Variants in SV2B observed in about 807,000 individuals in gnomAD.
SV2B encodes the protein synaptic vesicle glycoprotein 2B, also known as solute carrier family 22 member B2.
A neutral mutation model predicts 73.9 loss-of-function variants in SV2B; 41 were observed. The ratio of observed to expected loss-of-function variants is 0.56; its 90% CI spans 0.43 to 0.72. The LOEUF is 0.72. Ranked by LOEUF, SV2B falls within the 30% of genes least tolerant of loss-of-function variation. The pLI, the probability that SV2B is intolerant of heterozygous loss-of-function variation, is 0.00. For synonymous variants in SV2B, 314 were observed against 314.2 expected, an observed-to-expected ratio of 1.00 and a Z score of 0.01; for missense variants, 764 against 857.8, an observed-to-expected ratio of 0.89 and a Z score of 1.37.
chr15:91,164,098 G>T (rs1337713326), intron 1 of SV2B, among the ~76,000 whole-genome samples: 1 of 151,992 alleles, frequency 6.6e-6, no homozygotes, highest in Non-Finnish European at 1.5e-5. Context: ...ATTTCTGAGG[G>T]CTCTGTTCTG....
chr15:91,107,195 G>A (rs192048891), intron 1 of SV2B, among the ~76,000 whole-genome samples: 4 of 152,266 alleles, frequency 2.6e-5, no homozygotes, highest in East Asian at 1.9e-4. Flanking sequence ...TCATTTTTAC[G>A]TGTGGTTACT....
intron 9 of SV2B, among the ~76,000 whole-genome samples, chr15:91,271,320 T>C (rs575136497): frequency 5.5e-4 from 83 of 152,172 alleles, no homozygotes; most frequent in Non-Finnish European, 1.0e-3. Context: ...AGATATATCA[T>C]TGTGATATGA....
At position 91,129,997 on chromosome 15, in the gene SV2B, G is replaced by T. The variant is rs913046326; in HGVS notation, c.-392+29634G>T. Among the ~76,000 whole-genome samples the T allele has an allele frequency of 6.6e-6, 1 of 152,190 alleles. No homozygotes were observed. Among genetic ancestry groups the T allele is most frequent in the African/African-American group, 2.4e-5 (1 of 41,458 alleles). On this transcript the variant is annotated intron_variant, in intron 1 of 12. Transcript: ENST00000394232. The surrounding 1 kb of genome is among the most constrained non-coding windows in gnomAD (Gnocchi z 5.1). Reference sequence around the variant, plus strand: ...TAACAACCATTCCAAGGAGATGGCCGTCAACGCTAGGGGTGGATAAATTGG... The same window carrying T: ...TAACAACCATTCCAAGGAGATGGCCTTCAACGCTAGGGGTGGATAAATTGG...
intron 1 of SV2B, among the ~76,000 whole-genome samples, chr15:91,117,778 A>C (rs2042222598): frequency 6.6e-6 from 1 of 152,224 alleles, no homozygotes; most frequent in Admixed American, 6.5e-5. Flanking sequence ...AAGACATGGC[A>C]AAGTGACATG....
In SV2B at chr15:91,134,763, T is replaced by C. The variant is rs11633643; in HGVS notation, c.-392+34400T>C. Among the ~76,000 whole-genome samples, 1,506 of 152,336 alleles carry C rather than the reference T, an allele frequency of 9.9e-3. 16 individuals are homozygous for C. The highest frequency in any genetic ancestry group is 0.034 in the Middle Eastern group (10 of 294). The stretch of plus-strand genomic sequence containing the variant: ...GTGTTCAATATTTATTAGCTCCTTT[T>C]CTTTAAAAAGCAAACAACCCCAATA... On this transcript the variant is annotated intron_variant, in intron 1 of 12. Transcript: ENST00000394232.
chr15:91,110,565 C>T lies in SV2B; in HGVS notation c.-392+10202C>T, dbSNP rs2042007987. Among the ~76,000 whole-genome samples the T allele has an allele frequency of 6.6e-6, 1 of 152,214 alleles. No individual in the cohort carries two copies. Among genetic ancestry groups the T allele is most frequent in the Non-Finnish European group, 1.5e-5 (1 of 68,038 alleles). Reference sequence around the variant, plus strand: ...GCAGAATCTGACCGTGGCCTCTCGCCTGATCTGGGGTGCAGCAGATGGCGC... The same window carrying T: ...GCAGAATCTGACCGTGGCCTCTCGCTTGATCTGGGGTGCAGCAGATGGCGC... On this transcript the variant is annotated intron_variant, in intron 1 of 12. Transcript: ENST00000394232. This position sits in a 1 kb window ranked among gnomAD's most constrained non-coding sequence, Gnocchi z 5.4.
In SV2B at chr15:91,124,985, G is replaced by C. The variant is rs1260635664; in HGVS notation, c.-392+24622G>C. Among the ~76,000 whole-genome samples, 1 of 152,158 alleles carries C rather than the reference G, an allele frequency of 6.6e-6. No individual in the cohort carries two copies. The highest frequency in any genetic ancestry group is 1.5e-5 in the Non-Finnish European group (1 of 68,018). On this transcript the variant is annotated intron_variant, in intron 1 of 12. Coordinates refer to ENST00000394232, the MANE Select transcript of SV2B (RefSeq NM_001323032.3). This position sits in a 1 kb window ranked among gnomAD's most constrained non-coding sequence, Gnocchi z 4.6. The stretch of plus-strand genomic sequence containing the variant: ...TTTATTTCTGGTGGTTTTGAAGGCT[G>C]GAAGTCCAAGGTCAGGGTGTGGTCA...
intron 1 of SV2B, among the ~76,000 whole-genome samples, chr15:91,134,243 C>T (rs2042748170): frequency 6.6e-6 from 1 of 152,074 alleles, no homozygotes; most frequent in Admixed American, 6.6e-5. Flanking sequence ...GGTGATTCAC[C>T]CACCTCCGCC....
At position 91,229,126 on chromosome 15, in the gene SV2B, C is replaced by T. The variant is rs1158200865; in HGVS notation, c.451+2412C>T. Among the ~76,000 whole-genome samples, 3 of 152,238 alleles carry T rather than the reference C, an allele frequency of 2.0e-5. No homozygotes were observed. In the East Asian group the frequency reaches 5.8e-4, roughly 29 times the overall value. ...GGTCATGCCGTGCACAGGCTGCTCTCTGTGTCATCAAGCACCTCATAGATT... is the reference window on the plus strand; with the variant it reads ...GGTCATGCCGTGCACAGGCTGCTCTTTGTGTCATCAAGCACCTCATAGATT... On this transcript the variant is annotated intron_variant, in intron 2 of 12. Coordinates refer to ENST00000394232, the MANE Select transcript of SV2B (RefSeq NM_001323032.3). This position sits in a 1 kb window ranked among gnomAD's most constrained non-coding sequence, Gnocchi z 4.3.
At chr15:91,275,954 A>G (rs952305711) in intron 9 of SV2B, among the ~76,000 whole-genome samples, 1 of 152,168 alleles carries the variant, frequency 6.6e-6, no homozygotes, top group African/African-American at 2.4e-5. Context: ...TATTTCTTGT[A>G]GTGAAATTAT....
rs756304643 is a variant in SV2B at position 91,252,377 on chromosome 15, G to A, written c.641G>A (p.Gly214Asp). 9.9e-6 allele frequency: 16 copies of A among 1,611,038 alleles called. No homozygotes were observed. The Admixed American group carries it at 2.7e-4, about 27-fold the overall frequency. Residue 214 changes from glycine (G) to aspartate (D), a missense_variant, in exon 4 of 13, where the codon GGT becomes GAT. Physicochemically the swap from Gly to Asp is moderately conservative, Grantham distance 94. Transcript: ENST00000394232. This position sits in a 1 kb window ranked among gnomAD's most constrained non-coding sequence, Gnocchi z 4.6. ...CRLISGIGIG[G>D]ALPIVFAYFS... is the part of the protein sequence containing the mutation. ...GCATTTTTCCTTTGCAGTATTGGGG[G>A]TGCTCTACCGATTGTTTTTGCCTAT...
chr15:91,118,578 G>A lies in SV2B; in HGVS notation c.-392+18215G>A, dbSNP rs2042241094. 6.6e-6 allele frequency among the ~76,000 whole-genome samples: 1 copy of A among 152,246 alleles called. No homozygotes were observed. The highest frequency in any genetic ancestry group is 2.4e-5 in the African/African-American group (1 of 41,468). ...AAGGAGGAAATCTGCCTGGAGAAGAGGCTGGGTGTGTGGACAGCTGGAGGG... is the reference window on the plus strand; with the variant it reads ...AAGGAGGAAATCTGCCTGGAGAAGAAGCTGGGTGTGTGGACAGCTGGAGGG... On this transcript the variant is annotated intron_variant, in intron 1 of 12. Coordinates refer to ENST00000394232, the MANE Select transcript of SV2B (RefSeq NM_001323032.3). The surrounding 1 kb of genome is among the most constrained non-coding windows in gnomAD (Gnocchi z 4.7).
rs1464105791 is a variant in SV2B, at chr15:91,234,576, A to G, written c.451+7862A>G. Among the ~76,000 whole-genome samples the G allele has an allele frequency of 6.6e-6, 1 of 152,186 alleles. No individual in the cohort carries two copies. The highest frequency in any genetic ancestry group is 1.5e-5 in the Non-Finnish European group (1 of 68,014). On this transcript the variant is annotated intron_variant, in intron 2 of 12. Transcript: ENST00000394232. This position sits in a 1 kb window ranked among gnomAD's most constrained non-coding sequence, Gnocchi z 5.6. ...TAGAAATGAAATAAATAGGAGGTCTACTAAACTCTTACTTGATCTGTATAA... is the reference window on the plus strand; with the variant it reads ...TAGAAATGAAATAAATAGGAGGTCTGCTAAACTCTTACTTGATCTGTATAA...
chr15:91,242,883 T>C lies in SV2B; in HGVS notation c.452-8936T>C, dbSNP rs549048096. Among the ~76,000 whole-genome samples, 94 of 152,364 alleles carry C rather than the reference T, an allele frequency of 6.2e-4. No individual in the cohort carries two copies. Among genetic ancestry groups the C allele is most frequent in the African/African-American group, 2.1e-3 (89 of 41,592 alleles). On this transcript the variant is annotated intron_variant, in intron 2 of 12. Transcript: ENST00000394232. This position sits in a 1 kb window ranked among gnomAD's most constrained non-coding sequence, Gnocchi z 4.9. ...TGTTTTAAAACTCAGAGATTTTATTTAGCAATCTAGATTTCTGGTTCTTTT... is the reference window on the plus strand; with the variant it reads ...TGTTTTAAAACTCAGAGATTTTATTCAGCAATCTAGATTTCTGGTTCTTTT...
intron 9 of SV2B, among the ~76,000 whole-genome samples, chr15:91,278,211 T>C (rs2048556392): frequency 6.6e-6 from 1 of 152,222 alleles, no homozygotes; most frequent in Admixed American, 6.5e-5. Flanking sequence ...GGAACCATGC[T>C]AGAGCTGCAA....
chr15:91,237,255 A>C (rs910616383), intron 2 of SV2B, among the ~76,000 whole-genome samples: 1 of 152,132 alleles, frequency 6.6e-6, no homozygotes, highest in Non-Finnish European at 1.5e-5. Flanking sequence ...CACTATTGAC[A>C]TGTTGGGCTG....
At chr15:91,152,836 G>A (rs76195355) in intron 1 of SV2B, among the ~76,000 whole-genome samples, 4,379 of 152,268 alleles carry the variant, frequency 0.029, 230 homozygotes, top group African/African-American at 0.097. Context: ...AGTTAAAAGA[G>A]GAGACTCATA....
In SV2B at chr15:91,258,289, G is replaced by A; in HGVS notation, c.785-132G>A. The A allele has an allele frequency of 7.9e-7, 1 of 1,271,634 alleles. No homozygotes were observed. Among genetic ancestry groups the A allele is most frequent in the Non-Finnish European group, 1.1e-6 (1 of 935,456 alleles). 78.8% of individuals were successfully genotyped at this position (1,271,634 alleles called of 1,614,324 possible). On this transcript the variant is annotated intron_variant, in intron 4 of 12. Coordinates refer to ENST00000394232, the MANE Select transcript of SV2B (RefSeq NM_001323032.3). This position sits in a 1 kb window ranked among gnomAD's most constrained non-coding sequence, Gnocchi z 4.7. ...GAAGCTTCGGAGGCACAGCTGAGGAGTCTGCATTTTAACCACCTCCCCGGG... is the reference window on the plus strand; with the variant it reads ...GAAGCTTCGGAGGCACAGCTGAGGAATCTGCATTTTAACCACCTCCCCGGG...
Position 91,278,658 on chromosome 15 carries a change from G to A in SV2B, c.1374-3070G>A, listed in dbSNP as rs1233820344. 1.1e-4 allele frequency among the ~76,000 whole-genome samples: 9 copies of A among 78,768 alleles called. 1 individual carries two copies. Among genetic ancestry groups the A allele is most frequent in the African/African-American group, 2.4e-4 (3 of 12,524 alleles). 51.7% of individuals were successfully genotyped at this position (78,768 alleles called of 152,430 possible). A position where few individuals can be genotyped will look rare whatever the true frequency, so the allele number is the denominator to read the frequency against. Reference sequence around the variant, plus strand: ...TGCGCCACTGCAGTCCGGCCTGGGCGACAGAGCGAGACTCCGTCTCAAAAA... The same window carrying A: ...TGCGCCACTGCAGTCCGGCCTGGGCAACAGAGCGAGACTCCGTCTCAAAAA... On this transcript the variant is annotated intron_variant, in intron 9 of 12. Coordinates refer to ENST00000394232, the MANE Select transcript of SV2B (RefSeq NM_001323032.3).
Sources: gnomAD v4.1 joint callset for allele counts (sites outside exome capture counted in the v4.1 genomes callset) on GRCh38, gnomAD v4.1.1 for gene constraint, Gnocchi (gnomAD v3.1) non-coding constraint, MANE v1.5 for transcripts, NCBI Gene and HGNC (gene_info 2026-07-23, HGNC 2026-07-21) for gene names.